Variants in GLCCI1 observed in about 807,000 individuals in gnomAD.
The protein encoded by GLCCI1 is glucocorticoid-induced transcript 1 protein.
In GLCCI1, 24 loss-of-function variants were observed where a neutral mutation model predicts 52.2. The ratio of observed to expected loss-of-function variants is 0.46; its 90% CI spans 0.33 to 0.65. The LOEUF is 0.65. Ranked by LOEUF, GLCCI1 falls within the 30% of genes least tolerant of loss-of-function variation. The probability of loss-of-function intolerance (pLI) is 0.02; values close to 1 mark genes in which losing one functional copy is unlikely to be tolerated. For synonymous variants in GLCCI1, 310 were observed against 276.5 expected (o/e 1.12, Z -1.20); for missense variants, 704 against 701.5 (o/e 1.00, Z -0.04).
intron 1 of GLCCI1, among the ~76,000 whole-genome samples, chr7:7,971,260 C>T (rs2115398421): frequency 6.6e-6 from 1 of 152,312 alleles, no homozygotes; most frequent in South Asian, 2.1e-4. Context: ...TGAATGAAAA[C>T]AACGTGATCG....
intron 3 of GLCCI1, among the ~76,000 whole-genome samples, chr7:8,026,561 T>G (rs767083237): frequency 2.0e-5 from 3 of 152,246 alleles, no homozygotes; most frequent in Non-Finnish European, 4.4e-5. Context: ...TTGCTGATGT[T>G]ACCCCTCCAT....
intron 1 of GLCCI1, among the ~76,000 whole-genome samples, chr7:7,989,786 C>T (rs1005297797): frequency 6.6e-6 from 1 of 152,046 alleles, no homozygotes; most frequent in South Asian, 2.1e-4. Flanking sequence ...GTAGATAAGT[C>T]TTGCATTAAT....
chr7:8,044,715 A>G (rs1310013574), intron 3 of GLCCI1, among the ~76,000 whole-genome samples: 9 of 152,166 alleles, frequency 5.9e-5, no homozygotes. Context: ...CTATCAGATA[A>G]TTTGCTTCAG....
chr7:7,989,474 G>A (rs1238234802), intron 1 of GLCCI1, among the ~76,000 whole-genome samples: 1 of 152,100 alleles, frequency 6.6e-6, no homozygotes, highest in Admixed American at 6.6e-5. Context: ...CTGAATTCAA[G>A]TTGTTTTTTT....
At chr7:8,041,936 C>T (rs1396079817) in intron 3 of GLCCI1, among the ~76,000 whole-genome samples, 1 of 152,050 alleles carries the variant, frequency 6.6e-6, no homozygotes. Flanking sequence ...TTCTGAAAAT[C>T]CTGGGGATCT....
At chr7:8,009,292 C>T (rs1230732889) in intron 2 of GLCCI1, among the ~76,000 whole-genome samples, 1 of 152,114 alleles carries the variant, frequency 6.6e-6, no homozygotes, top group Non-Finnish European at 1.5e-5. Context: ...GTAATGTTTC[C>T]TCAGTCTTCA....
chr7:8,020,384 T>C (rs901512409), intron 2 of GLCCI1, among the ~76,000 whole-genome samples: 2 of 152,226 alleles, frequency 1.3e-5, no homozygotes, highest in African/African-American at 2.4e-5. Flanking sequence ...TTGATTTCTT[T>C]TGTAGGTAAT....
intron 2 of GLCCI1, among the ~76,000 whole-genome samples, chr7:8,005,884 C>T (rs1353328788): frequency 1.3e-5 from 2 of 151,936 alleles, no homozygotes; most frequent in Non-Finnish European, 2.9e-5. Context: ...CTGCACCCTC[C>T]GCCTCCCAGG....
Position 8,086,112 on chromosome 7 carries a change from A to T in GLCCI1, c.1299-81A>T. 8.3e-7 allele frequency: 1 copy of T among 1,205,204 alleles called. No individual in the cohort carries two copies. Among genetic ancestry groups the T allele is most frequent in the Non-Finnish European group, 1.2e-6 (1 of 854,772 alleles). 74.7% of individuals were successfully genotyped at this position (1,205,204 alleles called of 1,614,324 possible). Reference sequence around the variant, plus strand: ...CTGCCATTTACATTTTAGCTGTTTTAGAGAACTCCAGTTAATTCAGAAAAT... The same window carrying T: ...CTGCCATTTACATTTTAGCTGTTTTTGAGAACTCCAGTTAATTCAGAAAAT... On this transcript the variant is annotated intron_variant, in intron 7 of 7. Coordinates refer to ENST00000223145, the MANE Select transcript of GLCCI1 (RefSeq NM_138426.4). The surrounding 1 kb of genome is among the most constrained non-coding windows in gnomAD (Gnocchi z 4.4).
intron 2 of GLCCI1, among the ~76,000 whole-genome samples, chr7:8,016,335 G>C (rs1263375574): frequency 1.3e-5 from 2 of 152,102 alleles, no homozygotes; most frequent in Non-Finnish European, 2.9e-5. Flanking sequence ...CGGGTGTGGT[G>C]GTGGGCGCCT....
intron 5 of GLCCI1, among the ~76,000 whole-genome samples, chr7:8,063,433 A>T (rs1458441775): frequency 6.6e-6 from 1 of 151,832 alleles, no homozygotes; most frequent in Non-Finnish European, 1.5e-5. Flanking sequence ...GGTGTGAGCC[A>T]CCGCACCCAG....
chr7:7,990,061 A>C (rs533357853), intron 1 of GLCCI1, among the ~76,000 whole-genome samples: 1 of 152,218 alleles, frequency 6.6e-6, no homozygotes, highest in South Asian at 2.1e-4. Context: ...GAGAGAAAAA[A>C]TCCACTGGAG....
At chr7:8,064,777 G>A (rs1263494780) in intron 5 of GLCCI1, among the ~76,000 whole-genome samples, 2 of 151,898 alleles carry the variant, frequency 1.3e-5, no homozygotes, top group Non-Finnish European at 2.9e-5. Flanking sequence ...GCATGGTCTC[G>A]GCTCACTGCA....
rs35255634 is a variant in GLCCI1 at position 7,976,479 on chromosome 7, C to CAAAAA, written c.457+6687_457+6691dup. Among the ~76,000 whole-genome samples the CAAAAA allele has an allele frequency of 1.9e-3, 48 of 24,670 alleles. 3 individuals are homozygous for CAAAAA. Among genetic ancestry groups the CAAAAA allele is most frequent in the African/African-American group, 5.8e-3 (29 of 5,016 alleles). The allele number at this position is 24,670 out of a possible 152,430, so 16.2% of individuals were successfully genotyped here. A position where few individuals can be genotyped will look rare whatever the true frequency, so the allele number is the denominator to read the frequency against. On this transcript the variant is annotated intron_variant, in intron 1 of 7. Coordinates refer to ENST00000223145, the MANE Select transcript of GLCCI1 (RefSeq NM_138426.4). ...GGGCAACAAGAGTGAAACTCCATCT[C>CAAAAA]AAAAAAAAAAAAAAAAAAAGGAAAG...
chr7:8,003,824 T>A (rs1278926491), intron 1 of GLCCI1, 84 bp from the exon 2 acceptor site: 1 of 1,237,328 alleles, frequency 8.1e-7, no homozygotes, highest in Non-Finnish European at 1.1e-6. Flanking sequence ...ATTGACAGGA[T>A]GACATTCTAC....
intron 1 of GLCCI1, chr7:7,981,291 CCT>C (rs1202853148): frequency 4.3e-6 from 1 of 234,528 alleles, no homozygotes; most frequent in Non-Finnish European, 7.9e-6. Flanking sequence ...TTTCTCTCTC[CCT>C]CTTTCTCTCT....
At chr7:7,984,274 G>A (rs1478046178) in intron 1 of GLCCI1, among the ~76,000 whole-genome samples, 1 of 152,022 alleles carries the variant, frequency 6.6e-6, no homozygotes, top group East Asian at 1.9e-4. Flanking sequence ...TACCCAGACT[G>A]GTCTTGAACT....
chr7:8,044,489 G>A (rs978826051), intron 3 of GLCCI1, among the ~76,000 whole-genome samples: 1 of 151,526 alleles, frequency 6.6e-6, no homozygotes, highest in Non-Finnish European at 1.5e-5. Flanking sequence ...CTACCTCTCA[G>A]TGTGCTGAGT....
intron 1 of GLCCI1, 159 bp from the exon 2 acceptor site, chr7:8,003,749 G>T: frequency 1.7e-6 from 1 of 582,228 alleles, no homozygotes; most frequent in East Asian, 2.8e-5. Context: ...CTTGGGACAT[G>T]GTTCATACAT....
Sources: allele counts gnomAD v4.1 joint callset (sites outside exome capture counted in the v4.1 genomes callset), GRCh38; gene constraint gnomAD v4.1.1; non-coding constraint Gnocchi (gnomAD v3.1); transcripts MANE v1.5; gene names NCBI Gene and HGNC (gene_info 2026-07-23, HGNC 2026-07-21).